ANK3: variants seen among roughly 807,000 people sequenced by gnomAD.
The protein encoded by ANK3 is ankyrin 3.
ANK3 carries 57 observed loss-of-function variants against 370.9 expected under a neutral mutation model. That is an observed-to-expected ratio of 0.15 (90% confidence interval 0.12 to 0.19). The LOEUF (loss-of-function observed/expected upper bound fraction) is 0.19, where lower values mean the gene tolerates loss of function less well. Ranked by LOEUF, ANK3 falls within the 10% of genes least tolerant of loss-of-function variation. ANK3 has a pLI of 1.00. For missense variants in ANK3, 4,439 were observed against 5,302.1 expected, an observed-to-expected ratio of 0.84 and a Z score of 5.06; for synonymous variants, 1,929 against 1,946.3, an observed-to-expected ratio of 0.99 and a Z score of 0.23.
intron 2 of ANK3, among the ~76,000 whole-genome samples, chr10:60,444,101 C>T (rs1174526388): frequency 6.6e-6 from 1 of 151,912 alleles, no homozygotes; most frequent in Non-Finnish European, 1.5e-5. Flanking sequence ...TTAGCATGGG[C>T]ACTTCTCAGT....
At chr10:60,036,702 C>CT (rs2075082011) in intron 43 of ANK3, among the ~76,000 whole-genome samples, 2 of 152,010 alleles carry the variant, frequency 1.3e-5, no homozygotes, top group African/African-American at 4.8e-5. Flanking sequence ...TCCTAAAGTG[C>CT]TGGGAATACA....
chr10:60,063,268 A>G lies in ANK3; in HGVS notation c.12452-14T>C, dbSNP rs1191715517. ...TTAAGGCATCAGCTGAAAAGGAGAA[A>G]AAAAGGTTGAAAACCCAATTAAATT... On this transcript the variant is annotated splice_polypyrimidine_tract_variant and intron_variant, in intron 39 of 43. Transcript: ENST00000280772. 1 of 1,598,864 alleles carries G rather than the reference A, an allele frequency of 6.3e-7. No homozygotes were observed. Among genetic ancestry groups the G allele is most frequent in the African/African-American group, 1.3e-5 (1 of 74,302 alleles).
intron 25 of ANK3, among the ~76,000 whole-genome samples, chr10:60,128,868 A>C (rs1009246863): frequency 1.3e-5 from 2 of 152,242 alleles, no homozygotes; most frequent in Admixed American, 1.3e-4. Context: ...TCTAGTGAAT[A>C]GCATTCCATT....
chr10:60,195,698 C>T (rs187182814), intron 16 of ANK3, among the ~76,000 whole-genome samples: 8 of 152,222 alleles, frequency 5.3e-5, no homozygotes, highest in African/African-American at 1.9e-4. Context: ...AAGGCCCTAA[C>T]AATAAAGATC....
At chr10:60,518,917 A>G (rs1426357776) in intron 2 of ANK3, among the ~76,000 whole-genome samples, 2 of 152,094 alleles carry the variant, frequency 1.3e-5, no homozygotes, top group East Asian at 3.9e-4. Context: ...CGTTGCTGGG[A>G]AGCACTGGGA....
At chr10:60,725,992 G>A (rs1339452251) in intron 1 of ANK3, among the ~76,000 whole-genome samples, 1 of 152,216 alleles carries the variant, frequency 6.6e-6, no homozygotes, top group East Asian at 1.9e-4. Flanking sequence ...ATAAAAAATT[G>A]TACAGCAAAT....
intron 1 of ANK3, among the ~76,000 whole-genome samples, chr10:60,368,439 C>T (rs1385561093): frequency 3.3e-5 from 5 of 151,986 alleles, no homozygotes; most frequent in Admixed American, 2.0e-4. Flanking sequence ...AAACTCAGTG[C>T]GGGGGGTGTA....
chr10:60,585,171 A>T (rs1227622305), intron 2 of ANK3, among the ~76,000 whole-genome samples: 1 of 152,210 alleles, frequency 6.6e-6, no homozygotes, highest in Non-Finnish European at 1.5e-5. Flanking sequence ...GCAGTCGGGC[A>T]GCAAGGAAAT....
intron 2 of ANK3, among the ~76,000 whole-genome samples, chr10:60,482,453 T>C (rs1419534927): frequency 6.6e-6 from 1 of 152,100 alleles, no homozygotes; most frequent in East Asian, 1.9e-4. Context: ...ACAAGTGTTC[T>C]GAGATACCTA....
chr10:60,351,831 C>T (rs1458068186), intron 1 of ANK3, among the ~76,000 whole-genome samples: 2 of 152,226 alleles, frequency 1.3e-5, no homozygotes, highest in East Asian at 3.9e-4. Context: ...AGGTACACCT[C>T]CCTGTTACTT....
At chr10:60,733,431 A>C in exon 1 of ANK3, 6 of 975,680 alleles carry the variant, frequency 6.1e-6, no homozygotes, top group Non-Finnish European at 7.9e-6. Context: ...GCCGCGGCTC[A>C]GGAACACCAA....
chr10:60,680,229 C>G (rs970978134), intron 1 of ANK3, among the ~76,000 whole-genome samples: 2 of 152,046 alleles, frequency 1.3e-5, no homozygotes, highest in African/African-American at 4.8e-5. Context: ...CTGCTTTAAG[C>G]CCCTCAGTTG....
intron 1 of ANK3, among the ~76,000 whole-genome samples, chr10:60,361,066 A>G (rs898085843): frequency 1.3e-5 from 2 of 152,208 alleles, no homozygotes; most frequent in African/African-American, 4.8e-5. Flanking sequence ...AAACTCATGC[A>G]GGTTTTTATC....
At chr10:60,436,277 T>C (rs2064157475) in intron 2 of ANK3, among the ~76,000 whole-genome samples, 1 of 152,212 alleles carries the variant, frequency 6.6e-6, no homozygotes, top group Admixed American at 6.5e-5. Context: ...GCTATGAACA[T>C]TTGTGTTCAA....
Position 60,196,258 on chromosome 10 carries a change from AG to A in ANK3, c.1789-16del, listed in dbSNP as rs750758537. The A allele has an allele frequency of 6.2e-7, 1 of 1,609,428 alleles. No homozygotes were observed. Among genetic ancestry groups the A allele is most frequent in the Admixed American group, 1.7e-5 (1 of 59,864 alleles). On this transcript the variant is annotated splice_polypyrimidine_tract_variant and intron_variant, in intron 15 of 43. Coordinates refer to ENST00000280772, the MANE Select transcript of ANK3 (RefSeq NM_020987.5). ...GTTAGCCCGCTCTGAAAACACGTGC[AG>A]AAACAACAACCAGTGTCAAAGGTGT...
chr10:60,038,017 GT>G (rs2075409655), intron 43 of ANK3, among the ~76,000 whole-genome samples: 2 of 152,164 alleles, frequency 1.3e-5, no homozygotes, highest in Non-Finnish European at 2.9e-5. Context: ...TCTCATTGTG[GT>G]TTTAATGTGC....
chr10:60,126,632 G>C (rs1361870232), intron 25 of ANK3, among the ~76,000 whole-genome samples: 1 of 151,430 alleles, frequency 6.6e-6, no homozygotes, highest in Non-Finnish European at 1.5e-5. Context: ...AGGTTGCAGT[G>C]AGCTGAGGTC....
chr10:60,600,341 T>C (rs1240614303), intron 2 of ANK3, among the ~76,000 whole-genome samples: 3 of 152,172 alleles, frequency 2.0e-5, no homozygotes, highest in Non-Finnish European at 4.4e-5. Flanking sequence ...TTTGCTGAAA[T>C]GTTCTTCTCC....
rs1425521219 is a variant in ANK3, at chr10:60,071,754, T to C, written c.9127A>G (p.Thr3043Ala). 1.3e-6 allele frequency: 2 copies of C among 1,597,684 alleles called. No individual in the cohort carries two copies. The highest frequency in any genetic ancestry group is 1.7e-6 in the Non-Finnish European group (2 of 1,173,820). ...GLCPPLEETETSPTKSPDSLE... is the reference protein window; with the variant it reads ...GLCPPLEETEASPTKSPDSLE... ...GAATCAGGAGATTTGGTGGGGGAGG[T>C]TTCGGTTTCCTCGAGAGGTGGGCAT... The change falls in exon 37 of 44, where the codon ACC (threonine) becomes GCC (alanine). Residue 3043 changes from threonine (T) to alanine (A), a missense_variant. Around this residue, in one of 13 missense-constraint regions of ANK3, gnomAD observed 1,601 missense variants for 1,731.7 expected, o/e 0.92. Coordinates refer to ENST00000280772, the MANE Select transcript of ANK3 (RefSeq NM_020987.5).
Sources: gnomAD v4.1 joint callset for allele counts (sites outside exome capture counted in the v4.1 genomes callset) on GRCh38, gnomAD v4.1.1 for gene constraint, gnomAD v4.1.1 regional missense constraint, MANE v1.5 for transcripts, NCBI Gene and HGNC (gene_info 2026-07-23, HGNC 2026-07-21) for gene names.